Variants in R3HDM1 observed in about 807,000 individuals in gnomAD.
R3HDM1 encodes the protein R3H domain containing 1, also known as R3H domain-containing protein 1.
R3HDM1 carries 46 observed loss-of-function variants against 141.1 expected under a neutral mutation model. The ratio of observed to expected loss-of-function variants is 0.33; its 90% CI spans 0.26 to 0.42. The LOEUF is 0.42. Ranked by LOEUF, R3HDM1 falls within the 10% of genes least tolerant of loss-of-function variation. The probability of loss-of-function intolerance (pLI) is 1.00; values close to 1 mark genes in which losing one functional copy is unlikely to be tolerated. For missense variants in R3HDM1, 1,184 were observed against 1,368.3 expected, an observed-to-expected ratio of 0.87 and a Z score of 2.12; for synonymous variants, 435 against 472.9, an observed-to-expected ratio of 0.92 and a Z score of 1.04.
intron 21 of R3HDM1, among the ~76,000 whole-genome samples, chr2:135,698,583 C>T (rs555972652): frequency 1.8e-4 from 27 of 152,234 alleles, no homozygotes; most frequent in Admixed American, 1.2e-3. Context: ...ACTCTATATT[C>T]GTCTGTTCTC....
intron 1 of R3HDM1, 118 bp downstream of exon 1, chr2:135,531,751 G>C (rs1212850947): frequency 2.0e-6 from 2 of 985,748 alleles, no homozygotes; most frequent in Non-Finnish European, 2.4e-6. Flanking sequence ...GGAGAGATGT[G>C]GTGTGTGGAA....
rs115274968 is a variant in R3HDM1, at chr2:135,628,863, T to G, written c.498-2855T>G. Among the ~76,000 whole-genome samples the G allele has an allele frequency of 6.2e-3, 938 of 152,234 alleles. 8 individuals carry two copies. The highest frequency in any genetic ancestry group is 0.041 in the South Asian group (199 of 4,814). On this transcript the variant is annotated intron_variant, in intron 7 of 26. Transcript: ENST00000683871. Reference sequence around the variant, plus strand: ...CTGCTCTTGAACTCCCTACCTCAGGTGACCTGCCCACCTCAACCTCCCAAA... The same window carrying G: ...CTGCTCTTGAACTCCCTACCTCAGGGGACCTGCCCACCTCAACCTCCCAAA...
At chr2:135,587,257 C>T (rs1708152556) in intron 1 of R3HDM1, among the ~76,000 whole-genome samples, 1 of 152,164 alleles carries the variant, frequency 6.6e-6, no homozygotes, top group East Asian at 1.9e-4. Flanking sequence ...AACACATGTC[C>T]ATTAGTGTAA....
chr2:135,718,867 G>A (rs1217311579), intron 24 of R3HDM1, among the ~76,000 whole-genome samples: 1 of 152,086 alleles, frequency 6.6e-6, no homozygotes, highest in East Asian at 1.9e-4. Context: ...TAGAAAAAAG[G>A]CTATGCGCAG....
At chr2:135,586,351 T>C (rs1360557664) in intron 1 of R3HDM1, 1 of 152,704 alleles carries the variant, frequency 6.5e-6, no homozygotes, top group Non-Finnish European at 1.5e-5. Flanking sequence ...GCAAGTGCTT[T>C]AGACTGCTCT....
At chr2:135,626,083 T>A (rs1483399502) in intron 7 of R3HDM1, among the ~76,000 whole-genome samples, 1 of 152,184 alleles carries the variant, frequency 6.6e-6, no homozygotes, top group African/African-American at 2.4e-5. Context: ...TCTTGGGGAC[T>A]GAGCCCCAAA....
intron 21 of R3HDM1, among the ~76,000 whole-genome samples, chr2:135,707,355 G>A (rs974617237): frequency 1.3e-5 from 2 of 152,114 alleles, no homozygotes; most frequent in African/African-American, 4.8e-5. Context: ...ATTTAAGAGG[G>A]TGTCTCATTG....
At chr2:135,557,160 T>C (rs1277318340) in intron 1 of R3HDM1, among the ~76,000 whole-genome samples, 1 of 152,226 alleles carries the variant, frequency 6.6e-6, no homozygotes, top group Admixed American at 6.5e-5. Flanking sequence ...CTAGGACAAG[T>C]GCCCTTGTGG....
intron 1 of R3HDM1, among the ~76,000 whole-genome samples, chr2:135,535,236 C>T (rs1574337390): frequency 6.6e-6 from 1 of 152,144 alleles, no homozygotes; most frequent in African/African-American, 2.4e-5. Flanking sequence ...CGGGGTGGCT[C>T]ACACCTGTAA....
intron 1 of R3HDM1, among the ~76,000 whole-genome samples, chr2:135,591,599 A>G (rs754421134): frequency 6.6e-6 from 1 of 152,222 alleles, no homozygotes; most frequent in Non-Finnish European, 1.5e-5. Flanking sequence ...CACAAAACAC[A>G]TTAAAGAATA....
chr2:135,537,429 G>A (rs1057199255), intron 1 of R3HDM1, among the ~76,000 whole-genome samples: 5 of 150,402 alleles, frequency 3.3e-5, no homozygotes, highest in Admixed American at 6.6e-5. Flanking sequence ...TGGGACTATA[G>A]TCACGAGCCA....
chr2:135,623,668 T>A (rs1408434308), intron 7 of R3HDM1, among the ~76,000 whole-genome samples: 1 of 152,174 alleles, frequency 6.6e-6, no homozygotes, highest in Non-Finnish European at 1.5e-5. Context: ...CAGTTCAAGT[T>A]TATTCCTCAG....
intron 1 of R3HDM1, among the ~76,000 whole-genome samples, chr2:135,574,531 A>G (rs1160908630): frequency 6.6e-6 from 1 of 152,264 alleles, no homozygotes; most frequent in Non-Finnish European, 1.5e-5. Context: ...TGGTAAGAAC[A>G]GTATTGAAAA....
At chr2:135,639,154 A>G (rs756416247) in intron 14 of R3HDM1, 32 bp downstream of exon 14, 23 of 1,591,026 alleles carry the variant, frequency 1.4e-5, no homozygotes, top group East Asian at 2.2e-5. Context: ...TGTGCAGTCA[A>G]GTCATTAGTT....
chr2:135,702,504 C>CA (rs1455793128), intron 21 of R3HDM1, among the ~76,000 whole-genome samples: 1 of 151,726 alleles, frequency 6.6e-6, no homozygotes. Context: ...ACTAAAAATA[C>CA]AAAAAAATTA....
intron 1 of R3HDM1, among the ~76,000 whole-genome samples, chr2:135,562,764 C>CT (rs2104964994): frequency 6.6e-6 from 1 of 152,332 alleles, no homozygotes; most frequent in South Asian, 2.1e-4. Flanking sequence ...TTAAAGCCAA[C>CT]TATGCTAAGT....
At chr2:135,692,669 A>C (rs1445584342) in intron 21 of R3HDM1, among the ~76,000 whole-genome samples, 24 of 152,184 alleles carry the variant, frequency 1.6e-4, no homozygotes. Flanking sequence ...GAAAAAAATT[A>C]GTTTGAGACT....
At chr2:135,703,506 C>T (rs1244190375) in intron 21 of R3HDM1, among the ~76,000 whole-genome samples, 9 of 152,154 alleles carry the variant, frequency 5.9e-5, no homozygotes, top group Non-Finnish European at 1.2e-4. Context: ...CTGGGCTCAC[C>T]ATTTTATCTT....
intron 21 of R3HDM1, among the ~76,000 whole-genome samples, chr2:135,704,494 A>T (rs1257694066): frequency 2.7e-5 from 3 of 110,184 alleles, no homozygotes; most frequent in Admixed American, 9.9e-5. Context: ...TTTTTTTTTG[A>T]GACAGAGTCT....
Sources: allele counts gnomAD v4.1 joint callset (sites outside exome capture counted in the v4.1 genomes callset), GRCh38; gene constraint gnomAD v4.1.1; transcripts MANE v1.5; gene names NCBI Gene and HGNC (gene_info 2026-07-23, HGNC 2026-07-21).